Variants in ZFX observed in about 807,000 individuals in gnomAD.
ZFX encodes zinc finger X-chromosomal protein.
For missense variants in ZFX, 362 were observed against 628.3 expected, an observed-to-expected ratio of 0.58 and a Z score of 4.53; for synonymous variants, 196 against 226.8, an observed-to-expected ratio of 0.86 and a Z score of 1.22.
In ZFX at chrX:24,208,214, T is replaced by C. The variant is rs762548241; in HGVS notation, c.941-4T>C. 1 of 1,212,137 alleles carries C rather than the reference T, an allele frequency of 8.2e-7. No individual in the cohort carries two copies. The highest frequency in any genetic ancestry group is 2.2e-5 in the Admixed American group (1 of 46,024). On this transcript the variant is annotated splice_polypyrimidine_tract_variant and splice_region_variant and intron_variant, in intron 7 of 9. Coordinates refer to ENST00000304543, the MANE Select transcript of ZFX (RefSeq NM_003410.4). Reference sequence around the variant, plus strand: ...CACAGAAGTTTTTGTAACTTTCTACTTAGATGTTGCTGAAATCGCTGACGA... The same window carrying C: ...CACAGAAGTTTTTGTAACTTTCTACCTAGATGTTGCTGAAATCGCTGACGA...
intron 5 of ZFX, among the ~76,000 whole-genome samples, chrX:24,198,457 AGGCGTGAGC>A (rs1408761672): frequency 9.4e-6 from 1 of 105,977 alleles, no homozygotes; most frequent in Non-Finnish European, 1.9e-5. Context: ...GTGTGATTAT[AGGCGTGAGC>A]CACTGCACCT....
intron 3 of ZFX, among the ~76,000 whole-genome samples, chrX:24,171,904 AGGAGAGAGAG>A (rs57910078): frequency 0.014 from 1,318 of 97,252 alleles, 10 homozygotes; most frequent in Middle Eastern, 0.041. Flanking sequence ...CAGAGAGAGA[AGGAGAGAGAG>A]AGAGAGAGAG....
At position 24,210,428 on chromosome X, in the gene ZFX, C is replaced by T. The variant is rs372941972; in HGVS notation, c.1470C>T (p.Cys490=). The change falls in exon 10 of 10, where the codon TGC becomes TGT. Residue 490 remains cysteine (C), a synonymous_variant. Coordinates refer to ENST00000304543, the MANE Select transcript of ZFX (RefSeq NM_003410.4). ...GCAAGGCAGAGAAGGCCATTGAATG[C>T]GATGAGTGTGGGAAGCATTTCTCTC... The part of the protein sequence containing the change: ...LTSKAEKAIE[C]DECGKHFSHA... 14 of 1,210,310 alleles carry T rather than the reference C, an allele frequency of 1.2e-5. No homozygotes were observed. The African/African-American group carries it at 1.2e-4, about 11-fold the overall frequency.
chrX:24,159,215 C>T (rs1191716519), intron 3 of ZFX, among the ~76,000 whole-genome samples: 1 of 111,283 alleles, frequency 9.0e-6, no homozygotes, highest in African/African-American at 3.3e-5. Context: ...GTCTTGAACT[C>T]CTGGTCTCAA....
At position 24,216,127 on chromosome X, in the gene ZFX, C is replaced by T. The variant is rs1381575385; in HGVS notation, c.*4751C>T. On this transcript the variant is annotated 3_prime_UTR_variant, in exon 10 of 10. Transcript: ENST00000304543. Reference sequence around the variant, plus strand: ...GTTGGCTATAGACAAGGTATATACTCGAAACGAGGAGACTTAAATCACACA... The same window carrying T: ...GTTGGCTATAGACAAGGTATATACTTGAAACGAGGAGACTTAAATCACACA... The T allele has an allele frequency of 9.0e-6, 1 of 111,219 alleles. No homozygotes were observed. The highest frequency in any genetic ancestry group is 1.9e-5 in the Non-Finnish European group (1 of 53,047). 9.2% of individuals were successfully genotyped at this position (111,219 alleles called of 1,213,427 possible).
At chrX:24,177,678 T>C in intron 4 of ZFX, 2 of 751,168 alleles carry the variant, frequency 2.7e-6, no homozygotes, top group Non-Finnish European at 3.1e-6. Context: ...TCCTTGTATG[T>C]CCTAGATTCA....
intron 3 of ZFX, among the ~76,000 whole-genome samples, chrX:24,170,713 C>T (rs1445993293): frequency 9.8e-6 from 1 of 102,430 alleles, no homozygotes; most frequent in Non-Finnish European, 2.0e-5. Context: ...CGGGTTCAAG[C>T]GATTCTCCTG....
At chrX:24,184,631 T>C (rs958117061) in intron 5 of ZFX, among the ~76,000 whole-genome samples, 3 of 110,920 alleles carry the variant, frequency 2.7e-5, no homozygotes, top group Non-Finnish European at 5.7e-5. Context: ...ATAGTCATCT[T>C]TAGGCCCTGG....
chrX:24,161,345 A>G (rs780591872), intron 3 of ZFX, among the ~76,000 whole-genome samples: 4 of 112,517 alleles, frequency 3.6e-5, no homozygotes, highest in Admixed American at 9.4e-5. Context: ...AAATATCTCA[A>G]TAGGGCTGTT....
chrX:24,149,889 C>G (rs1350379494), intron 1 of ZFX, 95 bp downstream of exon 1: 1 of 108,896 alleles, frequency 9.2e-6, no homozygotes, highest in East Asian at 3.0e-4. Flanking sequence ...CCCTCCCGCG[C>G]TAGGCCGGGC....
chrX:24,157,743 A>G (rs1385616535), intron 3 of ZFX, among the ~76,000 whole-genome samples: 1 of 111,788 alleles, frequency 8.9e-6, no homozygotes, highest in Non-Finnish European at 1.9e-5. Context: ...TAGGACCTTG[A>G]ATGTGAAGTT....
chrX:24,172,806 A>G lies in ZFX; in HGVS notation c.58+6A>G. On this transcript the variant is annotated splice_donor_region_variant and intron_variant, in intron 4 of 9. Transcript: ENST00000304543. ...CTCATTTTTTGATGCAACAGGTATA[A>G]CTACTTGAATTGTTCCACTTCCCAT... 8.4e-7 allele frequency: 1 copy of G among 1,193,331 alleles called. No individual in the cohort carries two copies. The highest frequency in any genetic ancestry group is 1.1e-6 in the Non-Finnish European group (1 of 888,995).
chrX:24,172,340 G>C (rs1167173476), intron 3 of ZFX, among the ~76,000 whole-genome samples: 1 of 112,170 alleles, frequency 8.9e-6, no homozygotes, highest in Non-Finnish European at 1.9e-5. Context: ...GGGTGTTACA[G>C]ACTGAGGACA....
intron 3 of ZFX, among the ~76,000 whole-genome samples, chrX:24,155,875 T>C (rs1569120142): frequency 8.9e-6 from 1 of 112,450 alleles, no homozygotes. Context: ...GCCTCCTCCT[T>C]ATTGGTATAT....
At chrX:24,179,894 A>C (rs989170854) in intron 5 of ZFX, 124 bp downstream of exon 5, 4 of 645,374 alleles carry the variant, frequency 6.2e-6, no homozygotes, top group Non-Finnish European at 9.3e-6. Context: ...ACCTACCTGC[A>C]TTGTTGTTTC....
At chrX:24,172,351 CAA>C (rs1417378547) in intron 3 of ZFX, among the ~76,000 whole-genome samples, 1 of 112,054 alleles carries the variant, frequency 8.9e-6, no homozygotes, top group East Asian at 2.8e-4. Flanking sequence ...ACTGAGGACA[CAA>C]GAGTGCTGGG....
At chrX:24,206,637 T>G (rs1221272670) in intron 5 of ZFX, among the ~76,000 whole-genome samples, 5 of 106,931 alleles carry the variant, frequency 4.7e-5, no homozygotes, top group African/African-American at 1.7e-4. Context: ...TCCACCCACC[T>G]TGGCCTCCCA....
Position 24,212,670 on chromosome X carries a change from T to C in ZFX, c.*1294T>C, listed in dbSNP as rs1291876527. The C allele has an allele frequency of 8.9e-6, 1 of 112,069 alleles. No individual in the cohort carries two copies. Among genetic ancestry groups the C allele is most frequent in the African/African-American group, 3.3e-5 (1 of 30,762 alleles). The allele number at this position is 112,069 out of a possible 1,213,427, so 9.2% of individuals were successfully genotyped here. A position where few individuals can be genotyped will look rare whatever the true frequency, so the allele number is the denominator to read the frequency against. On this transcript the variant is annotated 3_prime_UTR_variant, in exon 10 of 10. Transcript: ENST00000304543. ...CCTAGTGAGGGGGATGGAAAAGAAG[T>C]GATGGCTCTGTGGACCAGAGAACGG...
intron 5 of ZFX, among the ~76,000 whole-genome samples, chrX:24,184,680 AAGT>A (rs991328687): frequency 9.0e-6 from 1 of 110,936 alleles, no homozygotes; most frequent in African/African-American, 3.3e-5. Flanking sequence ...GTTCCTGAAA[AAGT>A]AAATATGGAT....
Sources: allele counts gnomAD v4.1 joint callset (sites outside exome capture counted in the v4.1 genomes callset), GRCh38; gene constraint gnomAD v4.1.1; transcripts MANE v1.5; gene names NCBI Gene and HGNC (gene_info 2026-07-23, HGNC 2026-07-21).